The following RIC1 variants were observed in gnomAD, a reference collection of about 807,000 sequenced individuals.
RIC1 encodes guanine nucleotide exchange factor subunit RIC1.
A neutral mutation model predicts 169.0 loss-of-function variants in RIC1; 88 were observed. The ratio of observed to expected loss-of-function variants is 0.52; its 90% confidence interval spans 0.44 to 0.62. The LOEUF (loss-of-function observed/expected upper bound fraction) is 0.62. Ranked by LOEUF, RIC1 falls within the 20% of genes least tolerant of loss-of-function variation. RIC1 has a pLI of 0.00. For synonymous variants in RIC1, 790 were observed against 601.5 expected (o/e 1.31, Z -4.59); for missense variants, 1,877 against 1,725.5 (o/e 1.09, Z -1.56).
downstream of RIC1, among the ~76,000 whole-genome samples, chr9:5,777,415 AC>A (rs1269438563): frequency 1.3e-5 from 2 of 151,736 alleles, no homozygotes; most frequent in East Asian, 1.9e-4. Context: ...AAAAAAAAAA[AC>A]AAATTGAGTG....
intron 3 of RIC1, among the ~76,000 whole-genome samples, chr9:5,700,341 A>G (rs762114455): frequency 8.5e-5 from 13 of 152,090 alleles, no homozygotes; most frequent in Non-Finnish European, 1.2e-4. Flanking sequence ...CAGCTGTTTC[A>G]TTTCTTTTTG....
chr9:5,682,973 G>C (rs1398309115), intron 2 of RIC1, among the ~76,000 whole-genome samples: 1 of 152,088 alleles, frequency 6.6e-6, no homozygotes. Flanking sequence ...TGAGGCTTGC[G>C]CATTCGTCAC....
rs115909447 is a variant in RIC1 at position 5,684,836 on chromosome 9, C to G, written c.253-5123C>G. 5.2e-3 allele frequency among the ~76,000 whole-genome samples: 793 copies of G among 152,074 alleles called. 12 individuals carry two copies. The highest frequency in any genetic ancestry group is 0.018 in the African/African-American group (758 of 41,466). On this transcript the variant is annotated intron_variant, in intron 2 of 25. Coordinates refer to ENST00000414202, the MANE Select transcript of RIC1 (RefSeq NM_020829.4). ...TCTTTCATCCAGATATGGAAGTTTC[C>G]CATTTCTTCCTAATTTACTGAGAAT...
At chr9:5,636,376 A>G (rs1249422538) in intron 1 of RIC1, among the ~76,000 whole-genome samples, 2 of 151,984 alleles carry the variant, frequency 1.3e-5, no homozygotes, top group East Asian at 1.9e-4. Context: ...CTGGAGTGCA[A>G]TGGAGCGATC....
intron 2 of RIC1, among the ~76,000 whole-genome samples, chr9:5,675,221 G>A (rs184821457): frequency 1.4e-4 from 21 of 152,246 alleles, no homozygotes; most frequent in Non-Finnish European, 2.4e-4. Flanking sequence ...GTGGTTTGGC[G>A]GGAAAAATGG....
rs61744828 is a variant in RIC1 at position 5,769,043 on chromosome 9, T to G, written c.3211T>G (p.Leu1071Val). 6.2e-7 allele frequency: 1 copy of G among 1,613,982 alleles called. No individual in the cohort carries two copies. The highest frequency in any genetic ancestry group is 8.5e-7 in the Non-Finnish European group (1 of 1,179,974). ...MMLWRHARRL[L>V]EDVRLKDLGC... Reference sequence around the variant, plus strand: ...GCTCTGGAGACATGCTCGGCGCCTCTTAGAAGATGTGAGGTTAAAGGACCT... The same window carrying G: ...GCTCTGGAGACATGCTCGGCGCCTCGTAGAAGATGTGAGGTTAAAGGACCT... The change falls in exon 22 of 26, where the codon TTA (leucine) becomes GTA (valine). Residue 1071 changes from leucine (L) to valine (V), a missense_variant. By Grantham distance (32) the Leu-to-Val change is conservative. Around this residue, in one of 3 missense-constraint regions of RIC1, gnomAD observed 681 missense variants for 582.0 expected, o/e 1.17. Coordinates refer to ENST00000414202, the MANE Select transcript of RIC1 (RefSeq NM_020829.4).
At chr9:5,706,777 G>T (rs538813817) in intron 3 of RIC1, among the ~76,000 whole-genome samples, 1 of 151,822 alleles carries the variant, frequency 6.6e-6, no homozygotes. Context: ...CTATTTTTTT[G>T]TATGATCAGT....
chr9:5,694,238 A>G (rs1031949810), intron 3 of RIC1, among the ~76,000 whole-genome samples: 1 of 152,236 alleles, frequency 6.6e-6, no homozygotes, highest in African/African-American at 2.4e-5. Flanking sequence ...TCTAAATCGT[A>G]TCAAATTTAA....
At chr9:5,724,436 C>T (rs201752614) in intron 6 of RIC1, among the ~76,000 whole-genome samples, 21 of 152,240 alleles carry the variant, frequency 1.4e-4, no homozygotes, top group African/African-American at 4.1e-4. Context: ...CTGAAGTTGC[C>T]TATCAGCTTA....
intron 19 of RIC1, among the ~76,000 whole-genome samples, chr9:5,764,560 C>G (rs1294169388): frequency 1.3e-5 from 2 of 152,190 alleles, no homozygotes; most frequent in Non-Finnish European, 2.9e-5. Flanking sequence ...ATGTAAGAAG[C>G]TAACCATAAA....
chr9:5,725,609 T>G (rs1823922720), intron 6 of RIC1, among the ~76,000 whole-genome samples: 1 of 152,180 alleles, frequency 6.6e-6, no homozygotes. Flanking sequence ...AGCTTTTGAA[T>G]GTGTCTGCTC....
intron 2 of RIC1, 75 bp from the exon 3 acceptor site, chr9:5,689,884 T>A (rs1821492039): frequency 1.9e-6 from 2 of 1,029,926 alleles, no homozygotes; most frequent in Non-Finnish European, 2.8e-6. Context: ...GAAGTAAGAA[T>A]TTATAAAATT....
chr9:5,678,164 A>G (rs1457721334), intron 2 of RIC1, among the ~76,000 whole-genome samples: 1 of 152,190 alleles, frequency 6.6e-6, no homozygotes, highest in East Asian at 1.9e-4. Context: ...ATGTCCCTAC[A>G]AAGGACATGA....
At chr9:5,756,593 T>G (rs1320968519) in intron 16 of RIC1, among the ~76,000 whole-genome samples, 1 of 152,058 alleles carries the variant, frequency 6.6e-6, no homozygotes, top group South Asian at 2.1e-4. Context: ...CCTGGAGTCA[T>G]TTGAAAAAAA....
intron 3 of RIC1, among the ~76,000 whole-genome samples, chr9:5,712,042 G>A (rs58132998): frequency 2.3e-3 from 344 of 152,232 alleles, no homozygotes; most frequent in African/African-American, 7.7e-3. Flanking sequence ...ACATACATGC[G>A]CATGTGTCTT....
Position 5,629,244 on chromosome 9 carries a change from G to T in RIC1, c.-66G>T. 1 of 1,302,884 alleles carries T rather than the reference G, an allele frequency of 7.7e-7. No homozygotes were observed. Among genetic ancestry groups the T allele is most frequent in the Non-Finnish European group, 9.8e-7 (1 of 1,023,584 alleles). The allele number at this position is 1,302,884 out of a possible 1,614,324, so 80.7% of individuals were successfully genotyped here. Reference sequence around the variant, plus strand: ...CGGCCGGTGGCGGTGTGGGAGGTGGGCGACCAGCCCGGGGCCGCTGAGTGT... The same window carrying T: ...CGGCCGGTGGCGGTGTGGGAGGTGGTCGACCAGCCCGGGGCCGCTGAGTGT... On this transcript the variant is annotated 5_prime_UTR_variant, in exon 1 of 26. Coordinates refer to ENST00000414202, the MANE Select transcript of RIC1 (RefSeq NM_020829.4).
chr9:5,703,535 C>G (rs749587645), intron 3 of RIC1, among the ~76,000 whole-genome samples: 5 of 152,194 alleles, frequency 3.3e-5, no homozygotes, highest in Non-Finnish European at 1.5e-5. Context: ...CTGTGTCTCT[C>G]TGGATTTGCC....
At chr9:5,757,525 T>C (rs961638702) in intron 17 of RIC1, 74 bp downstream of exon 17, 16 of 1,508,064 alleles carry the variant, frequency 1.1e-5, no homozygotes, top group Admixed American at 1.8e-5. Flanking sequence ...TTAGGAAGTA[T>C]TTGTTTGGCA....
intron 17 of RIC1, among the ~76,000 whole-genome samples, chr9:5,757,829 A>C (rs1391802224): frequency 2.0e-5 from 3 of 152,216 alleles, no homozygotes; most frequent in African/African-American, 7.2e-5. Flanking sequence ...ACAGTAGTGC[A>C]AAGGCCCATA....
Sources: allele counts gnomAD v4.1 joint callset (sites outside exome capture counted in the v4.1 genomes callset), GRCh38; gene constraint gnomAD v4.1.1; regional missense constraint gnomAD v4.1.1; transcripts MANE v1.5; gene names NCBI Gene and HGNC (gene_info 2026-07-23, HGNC 2026-07-21).